WDR27: variants seen among roughly 807,000 people sequenced by gnomAD.
WDR27 encodes the protein WD repeat-containing protein 27.
WDR27 carries 100 observed loss-of-function variants against 114.4 expected under a neutral mutation model. That is an observed-to-expected ratio of 0.87 (90% CI 0.74 to 1.03). The LOEUF is 1.03. Ranked by LOEUF, WDR27 falls within the 50% of genes least tolerant of loss-of-function variation. The pLI, the probability that WDR27 is intolerant of heterozygous loss-of-function variation, is 0.00. For synonymous variants in WDR27, 449 were observed against 423.1 expected (o/e 1.06, Z -0.75); for missense variants, 1,129 against 1,092.9 (o/e 1.03, Z -0.47).
At chr6:169,612,619 CTCTG>C (rs1167656022) in intron 22 of WDR27, among the ~76,000 whole-genome samples, 10 of 113,010 alleles carry the variant, frequency 8.8e-5, no homozygotes, top group African/African-American at 3.5e-4. Context: ...CAGAGCGAGA[CTCTG>C]TCTAACATAA....
intron 21 of WDR27, among the ~76,000 whole-genome samples, chr6:169,629,076 C>T (rs568235569): frequency 6.6e-6 from 1 of 152,162 alleles, no homozygotes; most frequent in South Asian, 2.1e-4. Flanking sequence ...GAAGTGGGAA[C>T]AGAGAGGAAA....
At chr6:169,607,393 T>TACAC (rs199658563) in intron 22 of WDR27, among the ~76,000 whole-genome samples, 155 of 99,488 alleles carry the variant, frequency 1.6e-3, no homozygotes, top group African/African-American at 2.8e-3. Context: ...TGTGTGTGTA[T>TACAC]ACACACACAC....
At chr6:169,489,334 G>A (rs1347540616) in intron 25 of WDR27, among the ~76,000 whole-genome samples, 3 of 152,164 alleles carry the variant, frequency 2.0e-5, no homozygotes, top group Admixed American at 2.0e-4. Flanking sequence ...TGGATTAAAA[G>A]CCTAAGACAG....
intron 25 of WDR27, among the ~76,000 whole-genome samples, chr6:169,498,797 T>G (rs772765996): frequency 8.5e-5 from 13 of 152,160 alleles, no homozygotes; most frequent in African/African-American, 1.4e-4. Flanking sequence ...AGAGAACAGA[T>G]AGCAGTTGCC....
intron 25 of WDR27, among the ~76,000 whole-genome samples, chr6:169,469,256 C>CT (rs1786022487): frequency 6.6e-6 from 1 of 152,202 alleles, no homozygotes; most frequent in South Asian, 2.1e-4. Context: ...ATCTAAATCT[C>CT]TATCTGTTAA....
intron 24 of WDR27, among the ~76,000 whole-genome samples, chr6:169,582,320 T>G (rs1429612622): frequency 1.3e-5 from 2 of 152,240 alleles, no homozygotes; most frequent in Non-Finnish European, 2.9e-5. Flanking sequence ...CCCTCTACAT[T>G]TTAATAGAAG....
At chr6:169,443,093 G>A in the WDR27 span, among the ~76,000 whole-genome samples, 1 of 152,182 alleles carries the variant, frequency 6.6e-6, no homozygotes, top group African/African-American at 2.4e-5. Flanking sequence ...TGCAAGGAAA[G>A]TGGGCTGAGG....
At chr6:169,573,476 G>T (rs9295005) in intron 24 of WDR27, among the ~76,000 whole-genome samples, 69,391 of 152,008 alleles carry the variant, frequency 0.46, 19,795 homozygotes, top group Non-Finnish European at 0.65. Flanking sequence ...AGCCCCCCAG[G>T]ATGTGAAACC....
intron 22 of WDR27, among the ~76,000 whole-genome samples, chr6:169,606,330 C>G (rs879273596): frequency 3.9e-5 from 6 of 152,052 alleles, no homozygotes; most frequent in Non-Finnish European, 8.8e-5. Flanking sequence ...ATTTAAAGTT[C>G]CAGGATACAT....
intron 25 of WDR27, among the ~76,000 whole-genome samples, chr6:169,537,767 G>C (rs1419940744): frequency 6.6e-6 from 1 of 152,146 alleles, no homozygotes; most frequent in Non-Finnish European, 1.5e-5. Flanking sequence ...ATGGACATGG[G>C]GGGAAGCCAG....
the WDR27 span, among the ~76,000 whole-genome samples, chr6:169,432,650 C>T: frequency 1.6e-4 from 25 of 152,306 alleles, no homozygotes; most frequent in African/African-American, 2.9e-4. Context: ...TCCCCAGTCA[C>T]GTGAAACTGT....
chr6:169,580,805 G>A (rs1422290420), intron 24 of WDR27, among the ~76,000 whole-genome samples: 2 of 151,524 alleles, frequency 1.3e-5, no homozygotes, highest in African/African-American at 4.8e-5. Context: ...GAAACAGAAC[G>A]GTAGTGAGGT....
At position 169,684,089 on chromosome 6, in the gene WDR27, T is replaced by C. The variant is rs947223391; in HGVS notation, c.189+4728A>G. ...GCTGAATGTCACAACCCCAGTTGCA[T>C]GGAGCCTGGGACCAGGATCGGCTGT... On this transcript the variant is annotated intron_variant, in intron 2 of 25. Transcript: ENST00000448612. The surrounding 1 kb of genome is among the most constrained non-coding windows in gnomAD (Gnocchi z 4.3). 1.3e-5 allele frequency among the ~76,000 whole-genome samples: 2 copies of C among 152,146 alleles called. No individual in the cohort carries two copies. Among genetic ancestry groups the C allele is most frequent in the African/African-American group, 4.8e-5 (2 of 41,438 alleles).
chr6:169,528,529 AAT>A (rs2128075662), intron 25 of WDR27, among the ~76,000 whole-genome samples: 1 of 152,254 alleles, frequency 6.6e-6, no homozygotes, highest in East Asian at 1.9e-4. Context: ...TCTTTAAAAT[AAT>A]ATATACATTC....
chr6:169,701,954 G>A lies in WDR27; in HGVS notation c.-411C>T, dbSNP rs1229698917. ...CCAGCTCCCAGGAGGGCACGCAGAG[G>A]ACTACCGAGCCACACTCCGCCCCAC... On this transcript the variant is annotated 5_prime_UTR_variant, in exon 1 of 26. Coordinates refer to ENST00000448612, the MANE Select transcript of WDR27 (RefSeq NM_182552.5). 5 of 383,546 alleles carry A rather than the reference G, an allele frequency of 1.3e-5. No homozygotes were observed. The highest frequency in any genetic ancestry group is 7.6e-5 in the East Asian group (1 of 13,220). The allele number at this position is 383,546 out of a possible 1,614,324, so 23.8% of individuals were successfully genotyped here. A position where few individuals can be genotyped will look rare whatever the true frequency, so the allele number is the denominator to read the frequency against.
intron 23 of WDR27, among the ~76,000 whole-genome samples, chr6:169,594,522 T>C (rs1175795822): frequency 2.0e-5 from 3 of 152,222 alleles, no homozygotes; most frequent in East Asian, 3.8e-4. Context: ...TACGTTAGTC[T>C]CCATTATTAA....
intron 25 of WDR27, among the ~76,000 whole-genome samples, chr6:169,551,861 T>C (rs1352994584): frequency 6.6e-6 from 1 of 152,190 alleles, no homozygotes; most frequent in Non-Finnish European, 1.5e-5. Context: ...GCAACTCCGC[T>C]GCTGCTATTC....
chr6:169,428,300 G>A, the WDR27 span, among the ~76,000 whole-genome samples: 1 of 152,158 alleles, frequency 6.6e-6, no homozygotes, highest in South Asian at 2.1e-4. Context: ...GCTCAAAAGG[G>A]ATGATTCAGT....
chr6:169,658,829 G>A (rs1023199373), intron 12 of WDR27, among the ~76,000 whole-genome samples: 26 of 151,968 alleles, frequency 1.7e-4, no homozygotes, highest in South Asian at 1.2e-3. Flanking sequence ...GACTACAGGC[G>A]CCTGCCACCA....
Sources: gnomAD v4.1 joint callset for allele counts (sites outside exome capture counted in the v4.1 genomes callset) on GRCh38, gnomAD v4.1.1 for gene constraint, Gnocchi (gnomAD v3.1) non-coding constraint, MANE v1.5 for transcripts, NCBI Gene and HGNC (gene_info 2026-07-23, HGNC 2026-07-21) for gene names.